TRAK2: variants seen among roughly 807,000 people sequenced by gnomAD.
The protein encoded by TRAK2 is trafficking kinesin-binding protein 2.
A neutral mutation model predicts 104.6 loss-of-function variants in TRAK2; 81 were observed. That is an observed-to-expected ratio of 0.77 (90% confidence interval 0.65 to 0.93). The LOEUF (loss-of-function observed/expected upper bound fraction) is 0.93, where lower values mean the gene tolerates loss of function less well. TRAK2 is among the 40% of genes least tolerant of loss of function. The probability of loss-of-function intolerance (pLI) is 0.00; values close to 1 mark genes in which losing one functional copy is unlikely to be tolerated. For synonymous variants in TRAK2, 406 were observed against 394.4 expected, an observed-to-expected ratio of 1.03 and a Z score of -0.35; for missense variants, 1,002 against 1,089.0, an observed-to-expected ratio of 0.92 and a Z score of 1.12.
chr2:201,443,346 A>C (rs1034314943), intron 1 of TRAK2, among the ~76,000 whole-genome samples: 1 of 152,042 alleles, frequency 6.6e-6, no homozygotes, highest in East Asian at 1.9e-4. Flanking sequence ...CCCTGTTTCA[A>C]CTTCCCTTCC....
chr2:201,393,407 C>T (rs1391339263), intron 9 of TRAK2, among the ~76,000 whole-genome samples: 3 of 152,096 alleles, frequency 2.0e-5, no homozygotes, highest in African/African-American at 7.2e-5. Flanking sequence ...TCTTTTTAAA[C>T]ATCACTCTGA....
chr2:201,432,455 G>A (rs1951849702), intron 1 of TRAK2, among the ~76,000 whole-genome samples: 1 of 152,128 alleles, frequency 6.6e-6, no homozygotes, highest in African/African-American at 2.4e-5. Flanking sequence ...AATCAGGCAT[G>A]TATCATTTAA....
rs1951347499 is a variant in TRAK2 at position 201,381,770 on chromosome 2, T to C, written c.2070-552A>G. On this transcript the variant is annotated intron_variant, in intron 15 of 15. Coordinates refer to ENST00000332624, the MANE Select transcript of TRAK2 (RefSeq NM_015049.3). ...CTTTTAATTTTATTTCATTGAGAAATAAAAACTTCTAATTGTTAAATTTCA... is the reference window on the plus strand; with the variant it reads ...CTTTTAATTTTATTTCATTGAGAAACAAAAACTTCTAATTGTTAAATTTCA... Among the ~76,000 whole-genome samples, 3 of 97,430 alleles carry C rather than the reference T, an allele frequency of 3.1e-5. No homozygotes were observed. The South Asian group carries it at 1.2e-3, about 40-fold the overall frequency. The allele number at this position is 97,430 out of a possible 152,430, so 63.9% of individuals were successfully genotyped here.
At chr2:201,443,065 A>C (rs917382852) in intron 1 of TRAK2, among the ~76,000 whole-genome samples, 2 of 152,032 alleles carry the variant, frequency 1.3e-5, no homozygotes, top group African/African-American at 4.8e-5. Context: ...ACATGCTCAA[A>C]TTCTTTTATT....
chr2:201,411,824 A>G, intron 2 of TRAK2: 1 of 825,220 alleles, frequency 1.2e-6, no homozygotes, highest in Admixed American at 1.8e-5. Flanking sequence ...CAGCAAGGGA[A>G]GACATTTGTA....
chr2:201,427,631 T>A (rs1223415086), intron 1 of TRAK2, among the ~76,000 whole-genome samples: 2 of 152,234 alleles, frequency 1.3e-5, no homozygotes, highest in Non-Finnish European at 2.9e-5. Context: ...ACAATAAACA[T>A]ACACGTGCAT....
At chr2:201,430,897 C>T (rs1302125063) in intron 1 of TRAK2, among the ~76,000 whole-genome samples, 1 of 152,228 alleles carries the variant, frequency 6.6e-6, no homozygotes, top group East Asian at 1.9e-4. Context: ...CACCTGTCTT[C>T]TGCGTCACTC....
rs368481814 is a variant in TRAK2 at position 201,434,199 on chromosome 2, C to T, written c.-199-13493G>A. On this transcript the variant is annotated intron_variant, in intron 1 of 15. Coordinates refer to ENST00000332624, the MANE Select transcript of TRAK2 (RefSeq NM_015049.3). Reference sequence around the variant, plus strand: ...GTCTTGATCTCTTGACCTCGTGATCCGCCCACCTCAGCCTCCCAAAGTGCT... The same window carrying T: ...GTCTTGATCTCTTGACCTCGTGATCTGCCCACCTCAGCCTCCCAAAGTGCT... Among the ~76,000 whole-genome samples the T allele has an allele frequency of 2.8e-3, 429 of 152,168 alleles. 2 individuals are homozygous for T. The highest frequency in any genetic ancestry group is 8.4e-3 in the African/African-American group (349 of 41,526).
intron 2 of TRAK2, chr2:201,413,455 A>C: frequency 2.9e-6 from 1 of 339,780 alleles, no homozygotes; most frequent in South Asian, 4.9e-5. Context: ...AGGGATAGGG[A>C]GGGGAGGGAT....
At chr2:201,395,478 CAA>C (rs760619408) in intron 7 of TRAK2, 34 bp from the exon 8 acceptor site, 2 of 1,477,618 alleles carry the variant, frequency 1.4e-6, no homozygotes, top group South Asian at 3.0e-5. Flanking sequence ...TAAATTAATA[CAA>C]ATGTAGAGAA....
At chr2:201,438,709 A>T (rs562945890) in intron 1 of TRAK2, among the ~76,000 whole-genome samples, 12 of 152,280 alleles carry the variant, frequency 7.9e-5, no homozygotes, top group Non-Finnish European at 1.6e-4. Context: ...GTGGTTACTG[A>T]ATATAGAAGA....
chr2:201,381,145 A>C lies in TRAK2; in HGVS notation c.2143T>G (p.Leu715Val), dbSNP rs1951340424. ...SSNTAVNSPA[L>V]SYRLSIGESI... ...TCACCAATGCTGAGTCTATAGGACA[A>C]GGCAGGAGAATTCACAGCCGTGTTG... The change falls in exon 16 of 16, where the codon TTG becomes GTG. Residue 715 changes from leucine (L) to valine (V), a missense_variant. By Grantham distance (32) the Leu-to-Val change is conservative. Coordinates refer to ENST00000332624, the MANE Select transcript of TRAK2 (RefSeq NM_015049.3). 3 of 1,613,914 alleles carry C rather than the reference A, an allele frequency of 1.9e-6. No individual in the cohort carries two copies. Among genetic ancestry groups the C allele is most frequent in the Non-Finnish European group, 2.5e-6 (3 of 1,179,972 alleles).
At chr2:201,444,440 T>C (rs1253293248) in intron 1 of TRAK2, among the ~76,000 whole-genome samples, 1 of 151,164 alleles carries the variant, frequency 6.6e-6, no homozygotes. Flanking sequence ...CTCTTAACTC[T>C]GGGCCTTTGT....
At chr2:201,430,897 C>G (rs1302125063) in intron 1 of TRAK2, among the ~76,000 whole-genome samples, 1 of 152,228 alleles carries the variant, frequency 6.6e-6, no homozygotes, top group Non-Finnish European at 1.5e-5. Flanking sequence ...CACCTGTCTT[C>G]TGCGTCACTC....
chr2:201,387,218 T>C (rs970869799), intron 13 of TRAK2, among the ~76,000 whole-genome samples: 50 of 152,220 alleles, frequency 3.3e-4, no homozygotes, highest in African/African-American at 1.2e-3. Flanking sequence ...GGAATTTATT[T>C]TGAATTCAAG....
chr2:201,411,609 T>C (rs755036644), intron 2 of TRAK2: 2 of 793,760 alleles, frequency 2.5e-6, no homozygotes, highest in East Asian at 2.4e-5. Context: ...GGGAATAAGA[T>C]GAGGCAATAC....
At position 201,398,133 on chromosome 2, in the gene TRAK2, G is replaced by A; in HGVS notation, c.690+12C>T. The A allele has an allele frequency of 1.2e-6, 2 of 1,612,222 alleles. No homozygotes were observed. The highest frequency in any genetic ancestry group is 1.7e-6 in the Non-Finnish European group (2 of 1,178,460). On this transcript the variant is annotated intron_variant, in intron 6 of 15. Coordinates refer to ENST00000332624, the MANE Select transcript of TRAK2 (RefSeq NM_015049.3). ...TTAAAGTAAAGGAAAATGGCAATTA[G>A]GTTGAACGTACCTTGGATCGAAGAG...
At chr2:201,397,705 TG>T (rs1161688051) in intron 6 of TRAK2, 125 bp from the exon 7 acceptor site, 2 of 677,158 alleles carry the variant, frequency 3.0e-6, no homozygotes, top group East Asian at 5.4e-5. Context: ...CCCAACAACC[TG>T]TTCATACATC....
chr2:201,443,878 A>G (rs1951944711), intron 1 of TRAK2, among the ~76,000 whole-genome samples: 1 of 152,158 alleles, frequency 6.6e-6, no homozygotes, highest in Admixed American at 6.5e-5. Context: ...AGCAGCAAGA[A>G]TAGTGTTTTT....
Sources: gnomAD v4.1 joint callset for allele counts (sites outside exome capture counted in the v4.1 genomes callset) on GRCh38, gnomAD v4.1.1 for gene constraint, MANE v1.5 for transcripts, NCBI Gene and HGNC (gene_info 2026-07-23, HGNC 2026-07-21) for gene names.